Variants in GET1 observed in about 807,000 individuals in gnomAD.
The protein encoded by GET1 is guided entry of tail-anchored proteins factor 1.
A neutral mutation model predicts 22.6 loss-of-function variants in GET1; 20 were observed. That is an observed-to-expected ratio of 0.89 (90% CI 0.62 to 1.29). The LOEUF (loss-of-function observed/expected upper bound fraction) is 1.29, where lower values mean the gene tolerates loss of function less well. Ranked by LOEUF, GET1 falls within the 50% of genes most tolerant of loss-of-function variation. The pLI is 0.00. For synonymous variants in GET1, 92 were observed against 83.8 expected (o/e 1.10, Z -0.53); for missense variants, 209 against 219.9 (o/e 0.95, Z 0.31).
At chr21:39,414,536 G>T (rs2040698054) in intron 1 of GET1, among the ~76,000 whole-genome samples, 1 of 152,114 alleles carries the variant, frequency 6.6e-6, no homozygotes, top group South Asian at 2.1e-4. Flanking sequence ...GAATTCCCAC[G>T]ACAAGATTTC....
intron 1 of GET1, among the ~76,000 whole-genome samples, chr21:39,420,072 T>C (rs2042028934): frequency 6.6e-6 from 1 of 152,176 alleles, no homozygotes; most frequent in Non-Finnish European, 1.5e-5. Flanking sequence ...CGTGATGAAA[T>C]AGGAATGCTA....
At chr21:39,396,412 C>G (rs1273082618) in intron 4 of GET1, among the ~76,000 whole-genome samples, 4 of 152,148 alleles carry the variant, frequency 2.6e-5, no homozygotes, top group Admixed American at 2.6e-4. Context: ...CCTGTAGTCC[C>G]AGCTACTCGG....
At chr21:39,385,885 CAG>C (rs752620086) in intron 1 of GET1, among the ~76,000 whole-genome samples, 93 of 151,868 alleles carry the variant, frequency 6.1e-4, no homozygotes, top group African/African-American at 2.2e-3. Flanking sequence ...GGCGCGGGCT[CAG>C]AGTCTATGCA....
At chr21:39,419,523 C>CAAAAAAAAAAAAA (rs5843964) in intron 1 of GET1, among the ~76,000 whole-genome samples, 1 of 123,552 alleles carries the variant, frequency 8.1e-6, no homozygotes, top group African/African-American at 3.6e-5. Context: ...AGACCCTGTT[C>CAAAAAAAAAAAAA]AAAAAAAAAA....
chr21:39,424,800 G>A (rs1207736021), intron 1 of GET1, among the ~76,000 whole-genome samples: 2 of 152,132 alleles, frequency 1.3e-5, no homozygotes, highest in Non-Finnish European at 2.9e-5. Flanking sequence ...ATGTGTCCAG[G>A]GGTCTATCTT....
At chr21:39,404,752 A>C (rs2038952331) in intron 4 of GET1, among the ~76,000 whole-genome samples, 1 of 93,160 alleles carries the variant, frequency 1.1e-5, no homozygotes, top group African/African-American at 4.8e-5. Context: ...GACACTGTCA[A>C]AAAAAAAAAA....
chr21:39,391,144 T>A, intron 2 of GET1: 1 of 257,282 alleles, frequency 3.9e-6, no homozygotes, highest in South Asian at 6.4e-5. Context: ...AGGTTTTCAT[T>A]TTTAAATTCA....
intron 1 of GET1, among the ~76,000 whole-genome samples, chr21:39,419,523 C>CAAAAAAAAAAA (rs5843964): frequency 2.4e-5 from 3 of 123,530 alleles, no homozygotes; most frequent in African/African-American, 7.1e-5. Context: ...AGACCCTGTT[C>CAAAAAAAAAAA]AAAAAAAAAA....
intron 3 of GET1, chr21:39,392,879 A>G: frequency 2.9e-6 from 1 of 345,644 alleles, no homozygotes; most frequent in Non-Finnish European, 5.3e-6. Context: ...TGTTCATCCT[A>G]AAACAGTGAA....
intron 1 of GET1, 24 bp from the exon 2 acceptor site, chr21:39,390,674 G>T: frequency 6.2e-7 from 1 of 1,613,344 alleles, no homozygotes; most frequent in South Asian, 1.1e-5. Context: ...GGAAGGTGCT[G>T]ATCCCCGTTG....
chr21:39,409,957 G>T (rs759440839), downstream of GET1: 10 of 1,266,938 alleles, frequency 7.9e-6, no homozygotes, highest in Non-Finnish European at 1.1e-5. The surrounding 1 kb of genome is among the most constrained non-coding windows in gnomAD (Gnocchi z 4.2). Flanking sequence ...AGATAAGATA[G>T]ACTTTAAAGA....
rs200723401 is a variant in GET1, at chr21:39,417,965, G to A, written c.*23+7028G>A. Among the ~76,000 whole-genome samples the A allele has an allele frequency of 3.0e-4, 46 of 152,144 alleles. No homozygotes were observed. In the South Asian group the frequency reaches 4.8e-3, roughly 16 times the overall value. ...TATTTTTTAGTAGAGATGGGGTTTC[G>A]CCGTGTTTGCCAGGATTGTCTCCAT... is the stretch of plus-strand genomic sequence containing the variant. On this transcript the variant is annotated intron_variant, in intron 1 of 1. Coordinates refer to the GET1 transcript ENST00000478273.
At chr21:39,412,462 C>T (rs986285364) in intron 1 of GET1, among the ~76,000 whole-genome samples, 1 of 152,184 alleles carries the variant, frequency 6.6e-6, no homozygotes, top group Non-Finnish European at 1.5e-5. Flanking sequence ...CTCCTTCTTA[C>T]ATGTACACCA....
Position 39,380,396 on chromosome 21 carries a change from C to T in GET1, c.12C>T (p.Ala4=), listed in dbSNP as rs371908619. The change falls in exon 1 of 5, where the codon GCC becomes GCT. Residue 4 remains alanine (A), a synonymous_variant. Transcript: ENST00000649170. The part of the protein sequence containing the change: MSS[A]AADHWAWLLV... Reference sequence around the variant, plus strand: ...CAGGAGCGTCCGGGATGAGCTCAGCCGCGGCCGACCACTGGGCGTGGTTGC... The same window carrying T: ...CAGGAGCGTCCGGGATGAGCTCAGCTGCGGCCGACCACTGGGCGTGGTTGC... The T allele has an allele frequency of 1.9e-6, 3 of 1,608,074 alleles. No homozygotes were observed. The highest frequency in any genetic ancestry group is 2.2e-5 in the East Asian group (1 of 44,742).
chr21:39,422,467 G>C (rs2073931452), intron 1 of GET1: 1 of 155,416 alleles, frequency 6.4e-6, no homozygotes, highest in Non-Finnish European at 1.4e-5. Flanking sequence ...ACATTATCTG[G>C]GAAAAGCTGC....
rs62223056 is a variant in GET1, at chr21:39,385,785, G to C, written c.103-4913G>C. Among the ~76,000 whole-genome samples, 515 of 152,118 alleles carry C rather than the reference G, an allele frequency of 3.4e-3. 2 individuals carry two copies. The highest frequency in any genetic ancestry group is 5.8e-3 in the Non-Finnish European group (392 of 67,970). On this transcript the variant is annotated intron_variant, in intron 1 of 4. Transcript: ENST00000649170. ...GGACTCGCGCGGGGTCAAAGTCCAT[G>C]CAAGCCGCACGCACTGCACAGGTGC...
chr21:39,399,179 C>G (rs1019999924), downstream of GET1, among the ~76,000 whole-genome samples: 2 of 152,166 alleles, frequency 1.3e-5, no homozygotes, highest in Non-Finnish European at 1.5e-5. Flanking sequence ...ATGATTCTGC[C>G]AGTGATATTC....
downstream of GET1, chr21:39,407,758 A>G (rs2039339032): frequency 6.6e-6 from 1 of 152,228 alleles, no homozygotes; most frequent in Non-Finnish European, 1.5e-5. Context: ...GCATGCTCAG[A>G]AAGTATTTGT....
At chr21:39,380,567 C>T (rs1167133740) in intron 1 of GET1, 81 bp downstream of exon 1, 50 of 1,540,392 alleles carry the variant, frequency 3.2e-5, no homozygotes, top group Non-Finnish European at 3.6e-5. Flanking sequence ...GTACAGGGGT[C>T]TCAACTGGGC....
Sources: gnomAD v4.1 joint callset for allele counts (sites outside exome capture counted in the v4.1 genomes callset) on GRCh38, gnomAD v4.1.1 for gene constraint, Gnocchi (gnomAD v3.1) non-coding constraint, MANE v1.5 for transcripts, NCBI Gene and HGNC (gene_info 2026-07-23, HGNC 2026-07-21) for gene names.